The following FAM107B variants were observed in gnomAD, a reference collection of about 807,000 sequenced individuals.
FAM107B encodes protein FAM107B.
A neutral mutation model predicts 31.5 loss-of-function variants in FAM107B; 21 were observed. The observed-to-expected ratio is 0.67, with a 90% CI of 0.47 to 0.96. The LOEUF is 0.96. FAM107B is among the 40% of genes least tolerant of loss of function. FAM107B has a pLI of 0.00. For synonymous variants in FAM107B, 157 were observed against 141.5 expected (o/e 1.11, Z -0.78); for missense variants, 452 against 377.1 (o/e 1.20, Z -1.64).
chr10:14,612,573 A>C (rs1852750803), intron 2 of FAM107B: 1 of 152,234 alleles, frequency 6.6e-6, no homozygotes, highest in Non-Finnish European at 1.5e-5. Context: ...GTACTTTGAC[A>C]GGCACCTGCT....
At position 14,749,695 on chromosome 10, in the gene FAM107B, C is replaced by T. The variant is rs187769156; in HGVS notation, c.411+24558G>A. Among the ~76,000 whole-genome samples the T allele has an allele frequency of 3.6e-4, 55 of 152,300 alleles. No homozygotes were observed. In the East Asian group the frequency reaches 8.5e-3, roughly 24 times the overall value. On this transcript the variant is annotated intron_variant, in intron 1 of 4. Transcript: ENST00000181796. ...CCATATCCCTCTATCTGGACCATCTCTCCCCATTGCCCTCTTCCATCCCAG... is the reference window on the plus strand; with the variant it reads ...CCATATCCCTCTATCTGGACCATCTTTCCCCATTGCCCTCTTCCATCCCAG...
chr10:14,743,972 T>G (rs1832675354), intron 1 of FAM107B, among the ~76,000 whole-genome samples: 1 of 152,254 alleles, frequency 6.6e-6, no homozygotes, highest in Admixed American at 6.5e-5. Context: ...ATATTGATTC[T>G]TCCTATCCAT....
intron 2 of FAM107B, among the ~76,000 whole-genome samples, chr10:14,553,914 G>C (rs1291804509): frequency 6.6e-6 from 1 of 152,054 alleles, no homozygotes; most frequent in Non-Finnish European, 1.5e-5. Flanking sequence ...TTAATAATGG[G>C]AGGGCCAGGC....
At chr10:14,587,641 C>T (rs780930827) in intron 2 of FAM107B, among the ~76,000 whole-genome samples, 18 of 152,174 alleles carry the variant, frequency 1.2e-4, no homozygotes, top group Non-Finnish European at 2.4e-4. Context: ...GCTATAAAAT[C>T]GTCACCACAA....
chr10:14,589,254 T>C (rs997893207), intron 2 of FAM107B, among the ~76,000 whole-genome samples: 1 of 151,770 alleles, frequency 6.6e-6, no homozygotes, highest in Admixed American at 6.6e-5. Context: ...TTTAAAGCTG[T>C]AGGTTGGCAT....
At chr10:14,695,394 A>ACATAGCTTTATAATACAATTT (rs1235632561) in intron 1 of FAM107B, among the ~76,000 whole-genome samples, 1 of 152,190 alleles carries the variant, frequency 6.6e-6, no homozygotes, top group African/African-American at 2.4e-5. Context: ...CTGTTTAATT[A>ACATAGCTTTATAATACAATTT]CATAGCTTTA....
At chr10:14,745,064 T>C (rs367813063) in intron 1 of FAM107B, among the ~76,000 whole-genome samples, 9 of 152,208 alleles carry the variant, frequency 5.9e-5, no homozygotes, top group African/African-American at 2.2e-4. Flanking sequence ...ATTTATCAAT[T>C]TCTTCTAGAT....
In FAM107B at chr10:14,519,372, A is replaced by G. The variant is rs1845419994; in HGVS notation, c.*1818T>C. The G allele has an allele frequency of 6.6e-6, 1 of 152,194 alleles. No individual in the cohort carries two copies. The highest frequency in any genetic ancestry group is 2.4e-5 in the African/African-American group (1 of 41,446). 9.4% of individuals were successfully genotyped at this position (152,194 alleles called of 1,614,324 possible). On this transcript the variant is annotated 3_prime_UTR_variant, in exon 5 of 5. Coordinates refer to ENST00000181796, the MANE Select transcript of FAM107B (RefSeq NM_031453.4). ...AACAGCATCGCTAGTCCACAGACAC[A>G]AAGAAAGAATTCCAGTCAACGTGCA...
chr10:14,656,917 T>A (rs1458488974), intron 2 of FAM107B, among the ~76,000 whole-genome samples: 1 of 152,210 alleles, frequency 6.6e-6, no homozygotes, highest in African/African-American at 2.4e-5. Context: ...TCCCACTGTG[T>A]TAAGAGGACA....
At chr10:14,723,029 A>ATGTGTCTTATATTGAGGTCTTATATT in intron 1 of FAM107B, 1 of 341,086 alleles carries the variant, frequency 2.9e-6, no homozygotes, top group Non-Finnish European at 5.7e-6. Flanking sequence ...CGTCTTTTAC[A>ATGTGTCTTATATTGAGGTCTTATATT]TGTGTCTTAT....
intron 1 of FAM107B, among the ~76,000 whole-genome samples, chr10:14,674,352 G>C (rs749087965): frequency 1.3e-5 from 2 of 152,212 alleles, no homozygotes; most frequent in Non-Finnish European, 2.9e-5. Flanking sequence ...CTATTGATCT[G>C]ACAAGAGATT....
intron 1 of FAM107B, among the ~76,000 whole-genome samples, chr10:14,721,280 A>G (rs1246650709): frequency 4.6e-5 from 7 of 152,034 alleles, no homozygotes; most frequent in African/African-American, 1.7e-4. Context: ...AGTCTTTGCT[A>G]TTGTGAATAG....
chr10:14,739,635 G>T (rs1856389855), intron 1 of FAM107B, among the ~76,000 whole-genome samples: 1 of 151,804 alleles, frequency 6.6e-6, no homozygotes, highest in Admixed American at 6.5e-5. Flanking sequence ...ATGAATGAAT[G>T]AATGAGCGAA....
intron 1 of FAM107B, among the ~76,000 whole-genome samples, chr10:14,726,258 A>T (rs145499265): frequency 6.6e-6 from 1 of 152,140 alleles, no homozygotes; most frequent in Non-Finnish European, 1.5e-5. Context: ...CTCCCAAAGT[A>T]CTGGGATTAC....
intron 1 of FAM107B, among the ~76,000 whole-genome samples, chr10:14,694,269 T>C (rs1010154002): frequency 5.3e-5 from 8 of 152,236 alleles, no homozygotes; most frequent in Middle Eastern, 3.2e-3. Flanking sequence ...GTAGTTCTAT[T>C]TTTAATTTCT....
intron 2 of FAM107B, among the ~76,000 whole-genome samples, chr10:14,577,489 G>C (rs998565888): frequency 5.3e-5 from 8 of 152,202 alleles, no homozygotes; most frequent in African/African-American, 1.7e-4. Context: ...AACTTGCATA[G>C]TACGAAGAAA....
intron 2 of FAM107B, among the ~76,000 whole-genome samples, chr10:14,553,135 T>C (rs1392994178): frequency 6.6e-6 from 1 of 152,196 alleles, no homozygotes; most frequent in African/African-American, 2.4e-5. Context: ...CACCTAATCT[T>C]TAAACTACCT....
At position 14,767,173 on chromosome 10, in the gene FAM107B, C is replaced by T. The variant is rs1241276251; in HGVS notation, c.411+7080G>A. On this transcript the variant is annotated intron_variant, in intron 1 of 4. Transcript: ENST00000181796. ...GCAGTGCCACAATCTCAGCTCACTG[C>T]AACCTCTGCCTCCCGGGTTCAAGTC... 2.0e-5 allele frequency among the ~76,000 whole-genome samples: 3 copies of T among 146,574 alleles called. No individual in the cohort carries two copies. In the East Asian group the frequency reaches 6.2e-4, roughly 30 times the overall value.
At chr10:14,544,047 T>C (rs1848482842) in intron 2 of FAM107B, among the ~76,000 whole-genome samples, 1 of 152,158 alleles carries the variant, frequency 6.6e-6, no homozygotes, top group African/African-American at 2.4e-5. Flanking sequence ...TTACCCAAGC[T>C]GTATCCACCC....
Sources: allele counts gnomAD v4.1 joint callset (sites outside exome capture counted in the v4.1 genomes callset), GRCh38; gene constraint gnomAD v4.1.1; transcripts MANE v1.5; gene names NCBI Gene and HGNC (gene_info 2026-07-23, HGNC 2026-07-21).